SLX4IP: variants seen among roughly 807,000 people sequenced by gnomAD.
The protein encoded by SLX4IP is protein SLX4IP.
SLX4IP carries 34 observed loss-of-function variants against 32.9 expected under a neutral mutation model. That is an observed-to-expected ratio of 1.03 (90% CI 0.79 to 1.38). The LOEUF (loss-of-function observed/expected upper bound fraction) is 1.38. SLX4IP is among the 40% of genes most tolerant of loss of function. The pLI, the probability that SLX4IP is intolerant of heterozygous loss-of-function variation, is 0.00. For missense variants in SLX4IP, 444 were observed against 479.0 expected (o/e 0.93, Z 0.68); for synonymous variants, 172 against 171.7 (o/e 1.00, Z -0.01).
chr20:10,527,298 A>G (rs2065948140), intron 2 of SLX4IP, among the ~76,000 whole-genome samples: 1 of 152,230 alleles, frequency 6.6e-6, no homozygotes, highest in South Asian at 2.1e-4. Context: ...AGCCATAGAA[A>G]TAAGGAGTTA....
intron 4 of SLX4IP, among the ~76,000 whole-genome samples, chr20:10,598,074 A>G (rs187848460): frequency 4.8e-4 from 73 of 152,312 alleles, no homozygotes; most frequent in African/African-American, 1.6e-3. Flanking sequence ...TCTATTCGCA[A>G]GCTCCGACTG....
intron 2 of SLX4IP, among the ~76,000 whole-genome samples, chr20:10,541,502 G>A (rs1245761669): frequency 6.6e-6 from 1 of 152,214 alleles, no homozygotes; most frequent in Non-Finnish European, 1.5e-5. Flanking sequence ...AGCTGTTTAA[G>A]TTAATAAATT....
At chr20:10,451,346 A>G (rs180786776) in intron 1 of SLX4IP, among the ~76,000 whole-genome samples, 219 of 151,994 alleles carry the variant, frequency 1.4e-3, no homozygotes, top group Non-Finnish European at 2.7e-3. Context: ...TTTTTAGTAG[A>G]GATGGGGTTT....
chr20:10,611,217 A>C (rs1423239056), intron 6 of SLX4IP, among the ~76,000 whole-genome samples: 1 of 152,204 alleles, frequency 6.6e-6, no homozygotes, highest in Non-Finnish European at 1.5e-5. Context: ...AGAAGGTTTT[A>C]ATTATTTGCA....
intron 4 of SLX4IP, among the ~76,000 whole-genome samples, chr20:10,595,769 A>G (rs1041756205): frequency 6.6e-6 from 1 of 152,244 alleles, no homozygotes; most frequent in South Asian, 2.1e-4. Context: ...AAGAACTGGC[A>G]TAGTACCTTT....
At chr20:10,598,383 C>T (rs369333335) in intron 4 of SLX4IP, among the ~76,000 whole-genome samples, 3 of 152,310 alleles carry the variant, frequency 2.0e-5, no homozygotes, top group East Asian at 1.9e-4. Flanking sequence ...TCTGCCTCAG[C>T]CTCCTGAGTA....
At chr20:10,621,857 G>C (rs1172475951) in intron 7 of SLX4IP, among the ~76,000 whole-genome samples, 3 of 152,186 alleles carry the variant, frequency 2.0e-5, no homozygotes, top group Non-Finnish European at 4.4e-5. Context: ...AGCTTTCAAT[G>C]TTTTGGTGGT....
chr20:10,551,888 C>T (rs915508535), intron 2 of SLX4IP, among the ~76,000 whole-genome samples: 8 of 152,230 alleles, frequency 5.3e-5, no homozygotes, highest in East Asian at 1.9e-4. Flanking sequence ...TGGACTGATC[C>T]GATTTATAGG....
At chr20:10,580,879 AC>A (rs778454406) in intron 4 of SLX4IP, among the ~76,000 whole-genome samples, 25 of 152,196 alleles carry the variant, frequency 1.6e-4, no homozygotes, top group Admixed American at 3.3e-4. Context: ...AGACATATAT[AC>A]TCCAGTTTGC....
At chr20:10,615,661 T>C (rs1203352151) in intron 6 of SLX4IP, among the ~76,000 whole-genome samples, 5 of 152,214 alleles carry the variant, frequency 3.3e-5, no homozygotes, top group African/African-American at 1.2e-4. Flanking sequence ...AGTCCATTTG[T>C]GTTGCTATAA....
intron 2 of SLX4IP, among the ~76,000 whole-genome samples, chr20:10,507,995 C>T (rs225155): frequency 8.6e-5 from 13 of 151,566 alleles, no homozygotes; most frequent in African/African-American, 2.7e-4. Context: ...TGTGTGTGTA[C>T]GTAAACATTA....
intron 4 of SLX4IP, among the ~76,000 whole-genome samples, chr20:10,585,242 A>G (rs554892864): frequency 1.3e-5 from 2 of 152,244 alleles, no homozygotes; most frequent in East Asian, 3.9e-4. Context: ...TCACCTCTCA[A>G]TTGCCAGCTG....
intron 1 of SLX4IP, among the ~76,000 whole-genome samples, chr20:10,457,057 ATATT>A (rs1346956579): frequency 5.9e-5 from 9 of 152,300 alleles, no homozygotes; most frequent in African/African-American, 2.2e-4. Flanking sequence ...AGATTTTAAA[ATATT>A]TATCATATAT....
intron 4 of SLX4IP, among the ~76,000 whole-genome samples, chr20:10,575,556 A>G (rs1421034412): frequency 6.7e-6 from 1 of 150,262 alleles, no homozygotes; most frequent in East Asian, 2.0e-4. Flanking sequence ...CCCACCCCCA[A>G]TATAACAGTG....
chr20:10,462,353 G>A (rs1477293481), intron 2 of SLX4IP, among the ~76,000 whole-genome samples: 1 of 152,168 alleles, frequency 6.6e-6, no homozygotes. Flanking sequence ...ACACAATAAA[G>A]TCAATGAAAA....
chr20:10,538,607 C>T (rs948709542), intron 2 of SLX4IP, among the ~76,000 whole-genome samples: 3 of 151,682 alleles, frequency 2.0e-5, no homozygotes, highest in African/African-American at 7.3e-5. Flanking sequence ...CTCACTGCAA[C>T]CTCTGCCTCC....
intron 1 of SLX4IP, among the ~76,000 whole-genome samples, chr20:10,446,520 T>TTGTAGGTAAGTGCATGCA (rs113050194): frequency 6.6e-6 from 1 of 151,806 alleles, no homozygotes; most frequent in Non-Finnish European, 1.5e-5. Context: ...AATTTTTGGG[T>TTGTAGGTAAGTGCATGCA]TGTTTAGATT....
At position 10,627,835 on chromosome 20, in the gene SLX4IP, G is replaced by C. The variant is rs973969269; in HGVS notation, c.*4456G>C. On this transcript the variant is annotated 3_prime_UTR_variant, in exon 8 of 8. Coordinates refer to ENST00000334534, the MANE Select transcript of SLX4IP (RefSeq NM_001009608.3). ...AAGGTGTGAATTGGACAGATCCCCC[G>C]AATAACTTTCTTCAATCAAGTTGAA... The C allele has an allele frequency of 2.0e-5, 3 of 152,156 alleles. No homozygotes were observed. The highest frequency in any genetic ancestry group is 2.0e-4 in the Admixed American group (3 of 15,280). 9.4% of individuals were successfully genotyped at this position (152,156 alleles called of 1,614,324 possible). A position where few individuals can be genotyped will look rare whatever the true frequency, so the allele number is the denominator to read the frequency against.
chr20:10,509,712 T>A (rs1218140949), intron 2 of SLX4IP, among the ~76,000 whole-genome samples: 1 of 151,808 alleles, frequency 6.6e-6, no homozygotes, highest in African/African-American at 2.4e-5. Context: ...TTTTTTTTTT[T>A]AAGCCACAGA....
Sources: allele counts gnomAD v4.1 joint callset (sites outside exome capture counted in the v4.1 genomes callset), GRCh38; gene constraint gnomAD v4.1.1; transcripts MANE v1.5; gene names NCBI Gene and HGNC (gene_info 2026-07-23, HGNC 2026-07-21).